The following SLCO3A1 variants were observed in gnomAD, a reference collection of about 807,000 sequenced individuals.
The protein encoded by SLCO3A1 is PGE1 transporter.
Under a neutral mutation model 63.1 loss-of-function variants are expected in SLCO3A1, and 27 were observed. The ratio of observed to expected loss-of-function variants is 0.43; its 90% CI spans 0.32 to 0.59. SLCO3A1 has a LOEUF of 0.59. Ranked by LOEUF, SLCO3A1 falls within the 20% of genes least tolerant of loss-of-function variation. The pLI is 0.09. For missense variants in SLCO3A1, 773 were observed against 945.8 expected (o/e 0.82, Z 2.40); for synonymous variants, 473 against 409.9 (o/e 1.15, Z -1.86).
chr15:92,096,757 C>T (rs2047543748), intron 3 of SLCO3A1, among the ~76,000 whole-genome samples: 1 of 151,998 alleles, frequency 6.6e-6, no homozygotes, highest in Non-Finnish European at 1.5e-5. Context: ...GATATATTTA[C>T]TTGTAGCTAA....
chr15:92,125,416 T>C (rs1420197978), intron 5 of SLCO3A1, among the ~76,000 whole-genome samples: 4 of 152,150 alleles, frequency 2.6e-5, no homozygotes, highest in Non-Finnish European at 5.9e-5. Context: ...CACTTGTAGA[T>C]AGCCCTGGGT....
At chr15:92,052,090 C>T (rs1266974490) in intron 2 of SLCO3A1, among the ~76,000 whole-genome samples, 1 of 152,104 alleles carries the variant, frequency 6.6e-6, no homozygotes, top group East Asian at 1.9e-4. Flanking sequence ...CTGCCCGTGT[C>T]CCTGCTCATC....
At chr15:92,113,327 T>C (rs760066377) in intron 4 of SLCO3A1, among the ~76,000 whole-genome samples, 1 of 152,022 alleles carries the variant, frequency 6.6e-6, no homozygotes, top group Non-Finnish European at 1.5e-5. Context: ...TGACTTTTTC[T>C]CTTGGGCCTT....
Position 91,880,403 on chromosome 15 carries a change from C to CTGTGTGTGTGTGTGTG in SLCO3A1, c.180+26316_180+26317insGTGTGTGTGTGTGTGT, listed in dbSNP as rs1324272484. Among the ~76,000 whole-genome samples, 1,293 of 140,560 alleles carry CTGTGTGTGTGTGTGTG rather than the reference C, an allele frequency of 9.2e-3. 19 individuals are homozygous for CTGTGTGTGTGTGTGTG. Among genetic ancestry groups the CTGTGTGTGTGTGTGTG allele is most frequent in the African/African-American group, 0.024 (856 of 35,762 alleles). 92.2% of individuals were successfully genotyped at this position (140,560 alleles called of 152,430 possible). ...TGCTTCTCTCTCTCTCTCTCTCTCT[C>CTGTGTGTGTGTGTGTG]TCTCTCTGTGTGTGTGTGTGTGTAG... On this transcript the variant is annotated intron_variant, in intron 1 of 9. Coordinates refer to ENST00000318445, the MANE Select transcript of SLCO3A1 (RefSeq NM_013272.4).
chr15:92,080,944 G>GTGTA (rs1555430725), intron 2 of SLCO3A1, among the ~76,000 whole-genome samples: 1 of 95,496 alleles, frequency 1.0e-5, no homozygotes, highest in Non-Finnish European at 2.5e-5. Flanking sequence ...GTAGCTGTGT[G>GTGTA]TGTGTGTGTG....
intron 2 of SLCO3A1, among the ~76,000 whole-genome samples, chr15:92,020,754 T>C (rs1162394331): frequency 6.6e-6 from 1 of 152,248 alleles, no homozygotes; most frequent in Non-Finnish European, 1.5e-5. Context: ...AGAGACCTGT[T>C]TCCATAGCTT....
intron 4 of SLCO3A1, among the ~76,000 whole-genome samples, chr15:92,109,470 T>G (rs774361403): frequency 1.3e-5 from 2 of 152,142 alleles, no homozygotes; most frequent in Admixed American, 6.5e-5. Flanking sequence ...GAGAACCAAC[T>G]CCCTGCAACC....
In SLCO3A1 at chr15:91,948,310, A is replaced by T. The variant is rs1296197908; in HGVS notation, c.646+31852A>T. Among the ~76,000 whole-genome samples the T allele has an allele frequency of 1.3e-5, 2 of 152,064 alleles. No individual in the cohort carries two copies. Among genetic ancestry groups the T allele is most frequent in the East Asian group, 1.9e-4 (1 of 5,176 alleles). On this transcript the variant is annotated intron_variant, in intron 2 of 9. Coordinates refer to ENST00000318445, the MANE Select transcript of SLCO3A1 (RefSeq NM_013272.4). The surrounding 1 kb of genome is among the most constrained non-coding windows in gnomAD (Gnocchi z 4.8). ...TGTGACCCTGCGTAGTGCTCCTGGG[A>T]GGTGCATTTGAGCTGTCCTAGAAGG...
intron 2 of SLCO3A1, among the ~76,000 whole-genome samples, chr15:91,991,337 G>C (rs2046124122): frequency 6.6e-6 from 1 of 152,044 alleles, no homozygotes; most frequent in Admixed American, 6.6e-5. Context: ...CTCTAGTGTG[G>C]GCAACAGAAC....
intron 1 of SLCO3A1, among the ~76,000 whole-genome samples, chr15:91,879,224 G>T (rs143276995): frequency 6.6e-6 from 1 of 152,060 alleles, no homozygotes; most frequent in African/African-American, 2.4e-5. Context: ...TTGACCCTGA[G>T]TGGGTGCCTA....
chr15:92,044,355 G>A (rs987606042), intron 2 of SLCO3A1, among the ~76,000 whole-genome samples: 1 of 152,102 alleles, frequency 6.6e-6, no homozygotes, highest in Non-Finnish European at 1.5e-5. Flanking sequence ...TGTTCAGACA[G>A]GCCCCAACTG....
chr15:91,855,436 A>G (rs1171823986), intron 1 of SLCO3A1, among the ~76,000 whole-genome samples: 2 of 152,088 alleles, frequency 1.3e-5, no homozygotes, highest in African/African-American at 4.8e-5. Flanking sequence ...AATCAAATAC[A>G]TTTCTGTTGC....
intron 2 of SLCO3A1, among the ~76,000 whole-genome samples, chr15:92,028,908 A>AGTTGTGTGTGTGTGTGTGTGT (rs2046609965): frequency 1.7e-5 from 2 of 120,072 alleles, no homozygotes; most frequent in South Asian, 6.5e-4. Context: ...TGCAGGCACA[A>AGTTGTGTGTGTGTGTGTGTGT]GTGTGTGTGT....
intron 1 of SLCO3A1, among the ~76,000 whole-genome samples, chr15:91,910,043 G>A (rs1466250580): frequency 6.6e-6 from 1 of 152,140 alleles, no homozygotes; most frequent in Non-Finnish European, 1.5e-5. Context: ...CTAAATCAAA[G>A]CCTCAGTCTG....
At position 91,886,272 on chromosome 15, in the gene SLCO3A1, A is replaced by T. The variant is rs774437426; in HGVS notation, c.181-29721A>T. 1.3e-5 allele frequency among the ~76,000 whole-genome samples: 2 copies of T among 152,212 alleles called. No homozygotes were observed. Among genetic ancestry groups the T allele is most frequent in the Non-Finnish European group, 2.9e-5 (2 of 68,038 alleles). On this transcript the variant is annotated intron_variant, in intron 1 of 9. Transcript: ENST00000318445. The surrounding 1 kb of genome is among the most constrained non-coding windows in gnomAD (Gnocchi z 4.9). ...TAGAGGATTGTATCTTTTTCTCACC[A>T]GCTAACTCTTACTAATTAGAAATTG...
chr15:91,988,613 A>G (rs896460022), intron 2 of SLCO3A1, among the ~76,000 whole-genome samples: 5 of 152,126 alleles, frequency 3.3e-5, no homozygotes, highest in African/African-American at 7.2e-5. Flanking sequence ...CTTGAGGGGA[A>G]TAAGAATCAC....
rs62009517 is a variant in SLCO3A1, at chr15:91,941,491, T to C, written c.646+25033T>C. The stretch of plus-strand genomic sequence containing the variant: ...AAGGACAAACTTCAACTCTGAGCCT[T>C]GATTGAGTGACCTTGGCCAAGTTAC... On this transcript the variant is annotated intron_variant, in intron 2 of 9. Transcript: ENST00000318445. The surrounding 1 kb of genome is among the most constrained non-coding windows in gnomAD (Gnocchi z 4.4). 2.0e-4 allele frequency: 89 copies of C among 454,822 alleles called. No homozygotes were observed. The highest frequency in any genetic ancestry group is 2.9e-4 in the Non-Finnish European group (66 of 226,464). 28.2% of individuals were successfully genotyped at this position (454,822 alleles called of 1,614,324 possible).
At chr15:91,896,602 GCA>G (rs1162543509) in intron 1 of SLCO3A1, among the ~76,000 whole-genome samples, 3 of 152,200 alleles carry the variant, frequency 2.0e-5, no homozygotes, top group African/African-American at 4.8e-5. Context: ...AATCTTCTGT[GCA>G]CACTGTCTTG....
At chr15:92,004,308 C>G (rs191967304) in intron 2 of SLCO3A1, among the ~76,000 whole-genome samples, 2 of 152,198 alleles carry the variant, frequency 1.3e-5, no homozygotes, top group Admixed American at 6.5e-5. Flanking sequence ...TCCTCCTATA[C>G]GGTGAAGACC....
Sources: gnomAD v4.1 joint callset for allele counts (sites outside exome capture counted in the v4.1 genomes callset) on GRCh38, gnomAD v4.1.1 for gene constraint, Gnocchi (gnomAD v3.1) non-coding constraint, MANE v1.5 for transcripts, NCBI Gene and HGNC (gene_info 2026-07-23, HGNC 2026-07-21) for gene names.